The following SMIM41 variants were observed in gnomAD, a reference collection of about 807,000 sequenced individuals.
SMIM41 encodes small integral membrane protein 41.
intron 2 of SMIM41, among the ~76,000 whole-genome samples, chr12:52,098,333 C>G (rs1940140248): frequency 6.6e-6 from 1 of 152,064 alleles, no homozygotes; most frequent in South Asian, 2.1e-4. Flanking sequence ...CATCCTCTCC[C>G]TCTTTGGATA....
intron 2 of SMIM41, among the ~76,000 whole-genome samples, chr12:52,085,690 C>CA (rs3085907): frequency 1.3e-5 from 2 of 152,064 alleles, no homozygotes; most frequent in Non-Finnish European, 2.9e-5. Context: ...AACAGTACTA[C>CA]GCTGAGAGTA....
intron 2 of SMIM41, among the ~76,000 whole-genome samples, chr12:52,096,637 G>A (rs1422519084): frequency 3.3e-5 from 5 of 151,398 alleles, no homozygotes; most frequent in Admixed American, 6.6e-5. Flanking sequence ...GATCAGTACC[G>A]GTTATTAATA....
intron 2 of SMIM41, among the ~76,000 whole-genome samples, chr12:52,099,447 C>A (rs1241992515): frequency 1.3e-5 from 2 of 151,534 alleles, no homozygotes; most frequent in African/African-American, 4.9e-5. Flanking sequence ...TGGTGTAAAA[C>A]CCCCTGTGAT....
intron 2 of SMIM41, among the ~76,000 whole-genome samples, chr12:52,096,919 A>G (rs1372221945): frequency 2.6e-5 from 4 of 152,092 alleles, no homozygotes; most frequent in African/African-American, 9.7e-5. Context: ...CTGGGTGTAC[A>G]TCCCTTCTGT....
Position 52,087,971 on chromosome 12 carries a change from C to T in SMIM41, c.*195+4003C>T, listed in dbSNP as rs1388166593. On this transcript the variant is annotated intron_variant, in intron 2 of 2. Coordinates refer to ENST00000546390, the MANE Select transcript of SMIM41 (RefSeq NM_001369216.1). Reference sequence around the variant, plus strand: ...TCCCTGCCCTTCCCTGGATGAAAATCGCCACCTCTCGGCCCGTGGCTCTGA... The same window carrying T: ...TCCCTGCCCTTCCCTGGATGAAAATTGCCACCTCTCGGCCCGTGGCTCTGA... Among the ~76,000 whole-genome samples, 8 of 152,298 alleles carry T rather than the reference C, an allele frequency of 5.3e-5. No homozygotes were observed. The South Asian group carries it at 1.2e-3, about 24-fold the overall frequency.
At chr12:52,103,356 C>CCAAAAAAAAAAAAAAAAA (rs1382431234) in intron 2 of SMIM41, among the ~76,000 whole-genome samples, 1 of 126,470 alleles carries the variant, frequency 7.9e-6, no homozygotes, top group African/African-American at 3.1e-5. Context: ...TAAAATAAAA[C>CCAAAAAAAAAAAAAAAAA]CAAAAAAAAA....
intron 2 of SMIM41, among the ~76,000 whole-genome samples, chr12:52,084,286 G>A (rs1939860485): frequency 6.6e-6 from 1 of 151,888 alleles, no homozygotes; most frequent in Non-Finnish European, 1.5e-5. Context: ...AGGAGGCAGA[G>A]GTTGCAGTGA....
At chr12:52,099,306 C>G (rs1940167647) in intron 2 of SMIM41, among the ~76,000 whole-genome samples, 1 of 151,906 alleles carries the variant, frequency 6.6e-6, no homozygotes, top group African/African-American at 2.4e-5. Context: ...ATATCTTCCT[C>G]TCTCTGCCTG....
intron 2 of SMIM41, among the ~76,000 whole-genome samples, chr12:52,107,035 C>T (rs1940354447): frequency 6.6e-6 from 1 of 152,160 alleles, no homozygotes. Context: ...GCTGTATTTT[C>T]TAGCAATTAT....
chr12:52,099,470 A>G (rs1940171324), intron 2 of SMIM41, among the ~76,000 whole-genome samples: 1 of 151,946 alleles, frequency 6.6e-6, no homozygotes, highest in African/African-American at 2.4e-5. Flanking sequence ...TAGGAGCAAT[A>G]TCATCCTCTC....
rs73095586 is a variant in SMIM41, at chr12:52,089,294, C to A, written c.*195+5326C>A. ...CCCAGGTGCTGGCAGGGCCATGCTC[C>A]CTCTGAAACCTGTAGGGGGGTCGGG... On this transcript the variant is annotated intron_variant, in intron 2 of 2. Coordinates refer to ENST00000546390, the MANE Select transcript of SMIM41 (RefSeq NM_001369216.1). Among the ~76,000 whole-genome samples, 1,322 of 152,042 alleles carry A rather than the reference C, an allele frequency of 8.7e-3. 10 individuals are homozygous for A. The highest frequency in any genetic ancestry group is 0.014 in the Non-Finnish European group (943 of 68,000).
In SMIM41 at chr12:52,103,631, C is replaced by T. The variant is rs187662074; in HGVS notation, c.*196-3748C>T. 1.9e-3 allele frequency among the ~76,000 whole-genome samples: 292 copies of T among 151,126 alleles called. 2 individuals carry two copies. The highest frequency in any genetic ancestry group is 6.8e-3 in the African/African-American group (279 of 41,156). ...AAAATTAGCTGGGTGTGGTGGCACA[C>T]GCCTGTAATCCCAGCTACTCGGGAG... On this transcript the variant is annotated intron_variant, in intron 2 of 2. Coordinates refer to ENST00000546390, the MANE Select transcript of SMIM41 (RefSeq NM_001369216.1).
At chr12:52,090,604 G>A (rs1467172283) in intron 2 of SMIM41, among the ~76,000 whole-genome samples, 1 of 152,140 alleles carries the variant, frequency 6.6e-6, no homozygotes. Flanking sequence ...CAGGTGAAGT[G>A]GGTCTTCTAT....
At position 52,103,357 on chromosome 12, in the gene SMIM41, C is replaced by CAA. The variant is rs532598136; in HGVS notation, c.*196-4008_*196-4007dup. The stretch of plus-strand genomic sequence containing the variant: ...AAAATGAAACAAAATAAAATAAAAC[C>CAA]AAAAAAAAAAAAAAACCAAAAAACA... On this transcript the variant is annotated intron_variant, in intron 2 of 2. Transcript: ENST00000546390. 5.1e-3 allele frequency among the ~76,000 whole-genome samples: 597 copies of CAA among 116,956 alleles called. 6 individuals are homozygous for CAA. Among genetic ancestry groups the CAA allele is most frequent in the African/African-American group, 0.016 (511 of 32,714 alleles). 76.7% of individuals were successfully genotyped at this position (116,956 alleles called of 152,430 possible).
chr12:52,091,635 T>C (rs994603705), intron 2 of SMIM41, among the ~76,000 whole-genome samples: 7 of 152,242 alleles, frequency 4.6e-5, no homozygotes, highest in African/African-American at 1.7e-4. Context: ...TGGAGAAATA[T>C]GTTATTGAAC....
intron 2 of SMIM41, among the ~76,000 whole-genome samples, chr12:52,103,788 A>G (rs1323925581): frequency 1.3e-5 from 2 of 152,176 alleles, no homozygotes; most frequent in Admixed American, 6.6e-5. Flanking sequence ...ACACGGTATG[A>G]TTCCACTTAT....
At chr12:52,093,170 C>T (rs148199892) in intron 2 of SMIM41, among the ~76,000 whole-genome samples, 39 of 152,286 alleles carry the variant, frequency 2.6e-4, no homozygotes, top group African/African-American at 8.9e-4. Flanking sequence ...TGCACTCCAG[C>T]CTAGCGACAG....
At chr12:52,105,658 CAGG>C (rs1940321471) in intron 2 of SMIM41, among the ~76,000 whole-genome samples, 1 of 152,044 alleles carries the variant, frequency 6.6e-6, no homozygotes, top group African/African-American at 2.4e-5. Context: ...CAGGCTGAGG[CAGG>C]AGAATAGCTT....
intron 2 of SMIM41, among the ~76,000 whole-genome samples, chr12:52,097,503 TC>T (rs1187441396): frequency 1.3e-5 from 2 of 151,972 alleles, no homozygotes; most frequent in Non-Finnish European, 2.9e-5. Context: ...TCAACCCCGG[TC>T]CCTCCCTGCA....
Sources: gnomAD v4.1 joint callset for allele counts (sites outside exome capture counted in the v4.1 genomes callset) on GRCh38, gnomAD v4.1.1 for gene constraint, MANE v1.5 for transcripts, NCBI Gene and HGNC (gene_info 2026-07-23, HGNC 2026-07-21) for gene names.